The following UBAC2 variants were observed in gnomAD, a reference collection of about 807,000 sequenced individuals.
The protein encoded by UBAC2 is UBA domain containing 2.
Under a neutral mutation model 44.0 loss-of-function variants are expected in UBAC2, and 26 were observed. That is an observed-to-expected ratio of 0.59 (90% CI 0.43 to 0.82). The LOEUF is 0.82. Among genes scored for constraint, UBAC2 ranks in the 40% least tolerant of loss-of-function variants. The pLI, the probability that UBAC2 is intolerant of heterozygous loss-of-function variation, is 0.00. For missense variants in UBAC2, 329 were observed against 419.4 expected, an observed-to-expected ratio of 0.78 and a Z score of 1.88; for synonymous variants, 155 against 154.3, an observed-to-expected ratio of 1.00 and a Z score of -0.04.
chr13:99,280,052 G>A (rs2043932033), intron 4 of UBAC2, among the ~76,000 whole-genome samples: 1 of 152,116 alleles, frequency 6.6e-6, no homozygotes, highest in African/African-American at 2.4e-5. Context: ...ATCTCCTTTG[G>A]TTTGGACTAT....
chr13:99,242,626 C>CG (rs1272112085), intron 2 of UBAC2, among the ~76,000 whole-genome samples: 2 of 14,556 alleles, frequency 1.4e-4, no homozygotes, highest in Non-Finnish European at 1.6e-4. Flanking sequence ...GCTGGCCAGG[C>CG]GGGGGGCTGA....
chr13:99,296,657 G>T (rs1248760095), intron 4 of UBAC2, among the ~76,000 whole-genome samples: 1 of 152,098 alleles, frequency 6.6e-6, no homozygotes, highest in African/African-American at 2.4e-5. Flanking sequence ...TTTATGTAGT[G>T]AAATATGAAC....
chr13:99,385,381 T>C lies in UBAC2; in HGVS notation c.*46T>C, dbSNP rs775703195. On this transcript the variant is annotated 3_prime_UTR_variant, in exon 9 of 9. Transcript: ENST00000403766. Reference sequence around the variant, plus strand: ...GACCGGACCGGCAGCCGAGTGACAGTGCGTGGTCCCCACCATCAGATCAGC... The same window carrying C: ...GACCGGACCGGCAGCCGAGTGACAGCGCGTGGTCCCCACCATCAGATCAGC... 1 of 1,485,896 alleles carries C rather than the reference T, an allele frequency of 6.7e-7. No homozygotes were observed. Among genetic ancestry groups the C allele is most frequent in the East Asian group, 2.3e-5 (1 of 44,220 alleles). The allele number at this position is 1,485,896 out of a possible 1,614,324, so 92.0% of individuals were successfully genotyped here.
chr13:99,295,186 C>G lies in UBAC2; in HGVS notation c.390-18911C>G. ...CACTGACTTGCCGTTTCAGCATCCT[C>G]ATAACCTTTCTCTTATACCCTTTAC... On this transcript the variant is annotated intron_variant, in intron 4 of 8. Coordinates refer to ENST00000403766, the MANE Select transcript of UBAC2 (RefSeq NM_001144072.2). The surrounding 1 kb of genome is among the most constrained non-coding windows in gnomAD (Gnocchi z 4.1). 1 of 1,614,162 alleles carries G rather than the reference C, an allele frequency of 6.2e-7. No individual in the cohort carries two copies. The highest frequency in any genetic ancestry group is 8.5e-7 in the Non-Finnish European group (1 of 1,180,014).
chr13:99,304,371 G>A (rs1259691412), intron 4 of UBAC2, among the ~76,000 whole-genome samples: 1 of 152,104 alleles, frequency 6.6e-6, no homozygotes, highest in Non-Finnish European at 1.5e-5. Context: ...AAGGCAGTGT[G>A]GGTGTATTTG....
At chr13:99,359,383 A>G (rs371687232) in intron 7 of UBAC2, among the ~76,000 whole-genome samples, 1 of 152,238 alleles carries the variant, frequency 6.6e-6, no homozygotes. Context: ...TACCAGGTAC[A>G]TTAGTAGATG....
chr13:99,215,341 G>T (rs1251242472), intron 1 of UBAC2: 1 of 852,592 alleles, frequency 1.2e-6, no homozygotes, highest in Non-Finnish European at 2.1e-6. Flanking sequence ...TTTATTTAGA[G>T]TCCTGAGATA....
Position 99,341,389 on chromosome 13 carries a change from T to C in UBAC2, c.807+824T>C, listed in dbSNP as rs867007155. 4.9e-4 allele frequency among the ~76,000 whole-genome samples: 40 copies of C among 81,098 alleles called. No homozygotes were observed. The South Asian group carries it at 0.012, about 24-fold the overall frequency. 53.2% of individuals were successfully genotyped at this position (81,098 alleles called of 152,430 possible). On this transcript the variant is annotated intron_variant, in intron 7 of 8. Transcript: ENST00000403766. ...CAGGTTTGAGGTCCTTAGAGTCCCA[T>C]TGGAGATGCAGGTCCCAGAGTTTAT...
intron 1 of UBAC2, among the ~76,000 whole-genome samples, chr13:99,213,112 C>A (rs7998125): frequency 0.09 from 13,631 of 151,914 alleles, 657 homozygotes; most frequent in East Asian, 0.13. Context: ...ATACATATAC[C>A]TATACATTTG....
intron 6 of UBAC2, among the ~76,000 whole-genome samples, chr13:99,322,330 C>T (rs2044579187): frequency 6.6e-6 from 1 of 152,158 alleles, no homozygotes; most frequent in African/African-American, 2.4e-5. Flanking sequence ...TTTGAGCCAT[C>T]TACATCTCAG....
At chr13:99,257,111 T>A (rs1057185338) in intron 4 of UBAC2, among the ~76,000 whole-genome samples, 2 of 152,188 alleles carry the variant, frequency 1.3e-5, no homozygotes, top group African/African-American at 4.8e-5. Context: ...TTCCCTTTCT[T>A]CCCTTCTTCT....
intron 7 of UBAC2, among the ~76,000 whole-genome samples, chr13:99,348,064 T>A (rs1029299650): frequency 1.3e-5 from 2 of 151,994 alleles, no homozygotes; most frequent in Admixed American, 1.3e-4. Context: ...CATCTCAGAG[T>A]CATTTTGCTA....
chr13:99,282,380 A>G (rs1171158396), intron 4 of UBAC2, among the ~76,000 whole-genome samples: 1 of 152,190 alleles, frequency 6.6e-6, no homozygotes, highest in Non-Finnish European at 1.5e-5. Context: ...CTAGTAGTTG[A>G]CTGAAATAGC....
chr13:99,296,553 A>G (rs989376461), intron 4 of UBAC2, among the ~76,000 whole-genome samples: 3 of 152,200 alleles, frequency 2.0e-5, no homozygotes, highest in Non-Finnish European at 2.9e-5. Context: ...CACATTTCAG[A>G]CAGGCATTAA....
At chr13:99,276,864 A>G (rs1241408103) in intron 4 of UBAC2, among the ~76,000 whole-genome samples, 1 of 152,204 alleles carries the variant, frequency 6.6e-6, no homozygotes, top group Non-Finnish European at 1.5e-5. Context: ...AACACCAAAT[A>G]CATTTTTGTA....
Position 99,241,299 on chromosome 13 carries a change from T to C in UBAC2, c.160-2533T>C, listed in dbSNP as rs75988157. Among the ~76,000 whole-genome samples, 281 of 151,066 alleles carry C rather than the reference T, an allele frequency of 1.9e-3. 1 individual carries two copies. Among genetic ancestry groups the C allele is most frequent in the African/African-American group, 6.7e-3 (276 of 41,208 alleles). On this transcript the variant is annotated intron_variant, in intron 2 of 8. Coordinates refer to ENST00000403766, the MANE Select transcript of UBAC2 (RefSeq NM_001144072.2). ...AAAAAAAAAAGAAAAGAGTTACTATTACCAATGTTCGCAGCAGCATTATTC... is the reference window on the plus strand; with the variant it reads ...AAAAAAAAAAGAAAAGAGTTACTATCACCAATGTTCGCAGCAGCATTATTC...
intron 1 of UBAC2, among the ~76,000 whole-genome samples, chr13:99,220,399 A>G (rs1274114981): frequency 2.6e-5 from 4 of 152,240 alleles, no homozygotes; most frequent in African/African-American, 9.6e-5. Context: ...TTATTAGCAC[A>G]GTGCCTGGCA....
chr13:99,360,321 T>C lies in UBAC2; in HGVS notation c.808-7466T>C, dbSNP rs149436945. On this transcript the variant is annotated intron_variant, in intron 7 of 8. Transcript: ENST00000403766. ...TCATAGCTAAGCTGCAATAAGCTTA[T>C]AGATGGCTTTACGTTCTATTTTAAA... Among the ~76,000 whole-genome samples, 451 of 152,380 alleles carry C rather than the reference T, an allele frequency of 3.0e-3. 2 individuals carry two copies. Among genetic ancestry groups the C allele is most frequent in the African/African-American group, 0.011 (438 of 41,588 alleles).
chr13:99,230,980 G>A (rs960807999), intron 1 of UBAC2, among the ~76,000 whole-genome samples: 9 of 151,890 alleles, frequency 5.9e-5, no homozygotes, highest in African/African-American at 1.7e-4. Context: ...CCCGGTAGGC[G>A]GAGGTTGCAG....
Sources: gnomAD v4.1 joint callset for allele counts (sites outside exome capture counted in the v4.1 genomes callset) on GRCh38, gnomAD v4.1.1 for gene constraint, Gnocchi (gnomAD v3.1) non-coding constraint, MANE v1.5 for transcripts, NCBI Gene and HGNC (gene_info 2026-07-23, HGNC 2026-07-21) for gene names.